The following ANK3 variants were observed in gnomAD, a reference collection of about 807,000 sequenced individuals.
ANK3 encodes ankyrin 3, also known as ankyrin-3.
ANK3 carries 57 observed loss-of-function variants against 370.9 expected under a neutral mutation model. That is an observed-to-expected ratio of 0.15 (90% CI 0.12 to 0.19). ANK3 has a LOEUF of 0.19. ANK3 is among the 10% of genes least tolerant of loss of function. The pLI, the probability that ANK3 is intolerant of heterozygous loss-of-function variation, is 1.00. For missense variants in ANK3, 4,439 were observed against 5,302.1 expected, an observed-to-expected ratio of 0.84 and a Z score of 5.06; for synonymous variants, 1,929 against 1,946.3, an observed-to-expected ratio of 0.99 and a Z score of 0.23.
At chr10:60,577,861 T>C (rs2077702102) in intron 2 of ANK3, among the ~76,000 whole-genome samples, 3 of 152,210 alleles carry the variant, frequency 2.0e-5, no homozygotes, top group Admixed American at 2.0e-4. Flanking sequence ...ACAGTGACAT[T>C]GGTACATCTT....
chr10:60,225,870 T>C (rs3927694), intron 8 of ANK3, among the ~76,000 whole-genome samples: 115,614 of 150,988 alleles, frequency 0.77, 44,321 homozygotes, highest in East Asian at 0.86. Context: ...ATTGAAACAT[T>C]ATATATATCA....
chr10:60,090,226 G>A (rs1289455115), intron 28 of ANK3, among the ~76,000 whole-genome samples: 1 of 151,948 alleles, frequency 6.6e-6, no homozygotes, highest in Non-Finnish European at 1.5e-5. Flanking sequence ...GCTGAGACAG[G>A]AGAATTACTT....
At chr10:60,556,091 A>T (rs1423843322) in intron 2 of ANK3, among the ~76,000 whole-genome samples, 2 of 152,212 alleles carry the variant, frequency 1.3e-5, no homozygotes, top group Non-Finnish European at 2.9e-5. Context: ...GCTCAGGGGC[A>T]TCCTCTGACT....
chr10:60,281,337 C>T (rs2098159797), intron 1 of ANK3, among the ~76,000 whole-genome samples: 1 of 152,190 alleles, frequency 6.6e-6, no homozygotes, highest in Non-Finnish European at 1.5e-5. Flanking sequence ...CAAGCATTTT[C>T]TATTGACCAG....
At chr10:60,579,289 C>A (rs1193573773) in intron 2 of ANK3, among the ~76,000 whole-genome samples, 1 of 136,340 alleles carries the variant, frequency 7.3e-6, no homozygotes, top group Non-Finnish European at 1.5e-5. Flanking sequence ...TGTGCCACTG[C>A]ACTCTGGCCT....
chr10:60,370,387 T>A (rs912182674), intron 1 of ANK3, among the ~76,000 whole-genome samples: 1 of 152,212 alleles, frequency 6.6e-6, no homozygotes, highest in Non-Finnish European at 1.5e-5. Context: ...TTACTGTGGA[T>A]GATTTTCTTC....
intron 1 of ANK3, among the ~76,000 whole-genome samples, chr10:60,357,585 T>C (rs1310747386): frequency 6.6e-6 from 1 of 152,142 alleles, no homozygotes; most frequent in African/African-American, 2.4e-5. Flanking sequence ...GAAAACCACC[T>C]GACTTTGCTG....
chr10:60,331,410 G>GA (rs200126631), intron 1 of ANK3, among the ~76,000 whole-genome samples: 33 of 150,884 alleles, frequency 2.2e-4, no homozygotes, highest in African/African-American at 6.3e-4. Flanking sequence ...CAGAAGATTG[G>GA]AAAAAAAACA....
chr10:60,442,218 T>G (rs575347362), intron 2 of ANK3, among the ~76,000 whole-genome samples: 3 of 151,700 alleles, frequency 2.0e-5, no homozygotes, highest in Non-Finnish European at 4.4e-5. Flanking sequence ...GTCTCGGCCT[T>G]TCCAGTAGCT....
chr10:60,422,686 G>A (rs774636718), intron 2 of ANK3, among the ~76,000 whole-genome samples: 2 of 151,936 alleles, frequency 1.3e-5, no homozygotes, highest in Non-Finnish European at 2.9e-5. Flanking sequence ...AGCTGTAATG[G>A]CATTTGCACA....
intron 1 of ANK3, among the ~76,000 whole-genome samples, chr10:60,639,157 G>C (rs2133348529): frequency 6.6e-6 from 1 of 151,934 alleles, no homozygotes. Context: ...CATTAAGTAA[G>C]AGCAAAAATA....
upstream of ANK3, among the ~76,000 whole-genome samples, chr10:60,393,792 CG>C (rs1567002104): frequency 6.6e-6 from 1 of 151,988 alleles, no homozygotes; most frequent in East Asian, 1.9e-4. Context: ...ACAACATATG[CG>C]GTTTCCACAG....
In ANK3 at chr10:60,055,899, C is replaced by G. The variant is rs1247023885; in HGVS notation, c.12824G>C (p.Gly4275Ala). The change falls in exon 42 of 44, where the codon GGA (glycine) becomes GCA (alanine). Residue 4275 changes from glycine to alanine, a missense_variant. Transcript: ENST00000280772. ...CAGAGTTTCCTTGGTACTCTGTTTT[C>G]CTACATCATTTTGGGATTCTGGAAA... The part of the protein sequence containing the change: ...SYFPESQNDV[G>A]KQSTKETLKP... 6.2e-7 allele frequency: 1 copy of G among 1,614,018 alleles called. No individual in the cohort carries two copies. Among genetic ancestry groups the G allele is most frequent in the African/African-American group, 1.3e-5 (1 of 74,922 alleles).
intron 25 of ANK3, among the ~76,000 whole-genome samples, chr10:60,126,973 G>A (rs566195809): frequency 4.6e-5 from 7 of 152,270 alleles, no homozygotes; most frequent in Admixed American, 1.3e-4. Flanking sequence ...TTCCAGGGAT[G>A]GGGGAAGACT....
chr10:60,166,529 T>C, intron 23 of ANK3, 62 bp downstream of exon 23: 1 of 1,242,710 alleles, frequency 8.0e-7, no homozygotes, highest in Non-Finnish European at 1.2e-6. Context: ...ATTTCAAAGA[T>C]AAGAAATGAA....
chr10:60,195,638 A>G (rs916266144), intron 16 of ANK3, among the ~76,000 whole-genome samples: 1 of 152,168 alleles, frequency 6.6e-6, no homozygotes, highest in Admixed American at 6.5e-5. Flanking sequence ...ATAGCTATAT[A>G]CCCACTCAGT....
chr10:60,074,472 T>C lies in ANK3; in HGVS notation c.6409A>G (p.Thr2137Ala). The C allele has an allele frequency of 6.2e-7, 1 of 1,613,844 alleles. No individual in the cohort carries two copies. Among genetic ancestry groups the C allele is most frequent in the Non-Finnish European group, 8.5e-7 (1 of 1,179,944 alleles). The change falls in exon 37 of 44, where the codon ACA becomes GCA. Residue 2137 changes from threonine to alanine, a missense_variant. Physicochemically the swap from Thr to Ala is moderately conservative, Grantham distance 58. Coordinates refer to ENST00000280772, the MANE Select transcript of ANK3 (RefSeq NM_020987.5). ...TCAGCGCTTTGTGGGGCTGAAGGTG[T>C]CTTTTCACTTCTTGTTTCAAAGCCA... ...DSGFETRSEKTPSAPQSAEST... is the reference protein window; with the variant it reads ...DSGFETRSEKAPSAPQSAEST...
At chr10:60,332,721 C>A (rs2051680159) in intron 1 of ANK3, among the ~76,000 whole-genome samples, 1 of 152,162 alleles carries the variant, frequency 6.6e-6, no homozygotes, top group African/African-American at 2.4e-5. Context: ...ATTCTAATTT[C>A]TAAACAGTAT....
intron 2 of ANK3, among the ~76,000 whole-genome samples, chr10:60,593,278 CT>C (rs943908692): frequency 2.0e-5 from 3 of 152,184 alleles, no homozygotes; most frequent in African/African-American, 7.2e-5. Context: ...TCCCCCAACC[CT>C]TTTAAGACAT....
Sources: allele counts gnomAD v4.1 joint callset (sites outside exome capture counted in the v4.1 genomes callset), GRCh38; gene constraint gnomAD v4.1.1; transcripts MANE v1.5; gene names NCBI Gene and HGNC (gene_info 2026-07-23, HGNC 2026-07-21).